The following ADGRL2 variants were observed in gnomAD, a reference collection of about 807,000 sequenced individuals.
The protein encoded by ADGRL2 is calcium-independent alpha-latrotoxin receptor 2.
In ADGRL2, 44 loss-of-function variants were observed where a neutral mutation model predicts 157.4. The observed-to-expected ratio is 0.28, with a 90% confidence interval of 0.22 to 0.36. The LOEUF (loss-of-function observed/expected upper bound fraction) is 0.36. ADGRL2 is among the 10% of genes least tolerant of loss of function. The pLI is 1.00. For synonymous variants in ADGRL2, 585 were observed against 624.7 expected, an observed-to-expected ratio of 0.94 and a Z score of 0.95; for missense variants, 1,510 against 1,768.9, an observed-to-expected ratio of 0.85 and a Z score of 2.63.
chr1:81,508,438 T>C (rs1028379115), intron 2 of ADGRL2, among the ~76,000 whole-genome samples: 3 of 152,184 alleles, frequency 2.0e-5, no homozygotes, highest in Non-Finnish European at 4.4e-5. Flanking sequence ...TGCCAGTCAT[T>C]ATGGGTTCGC....
At chr1:81,743,791 C>T (rs1046311777) in intron 1 of ADGRL2, among the ~76,000 whole-genome samples, 15 of 152,008 alleles carry the variant, frequency 9.9e-5, no homozygotes, top group Admixed American at 9.8e-4. Flanking sequence ...TTAATTTGTT[C>T]TTCTATGTGC....
chr1:81,735,538 C>CG (rs2084865974), intron 1 of ADGRL2, among the ~76,000 whole-genome samples: 1 of 152,100 alleles, frequency 6.6e-6, no homozygotes, highest in Non-Finnish European at 1.5e-5. Context: ...GCCTGTAATC[C>CG]CAGCACTTTG....
At position 81,631,431 on chromosome 1, in the gene ADGRL2, G is replaced by A. The variant is rs573193096; in HGVS notation, c.-143+50451G>A. Among the ~76,000 whole-genome samples, 8 of 152,136 alleles carry A rather than the reference G, an allele frequency of 5.3e-5. No homozygotes were observed. The East Asian group carries it at 1.5e-3, about 29-fold the overall frequency. ...AGGATTTCACCATGTTGGCCAGGCT[G>A]GTCTGGAACTCCTGACCTCAAGTAA... On this transcript the variant is annotated intron_variant, in intron 3 of 24. Coordinates refer to the ADGRL2 transcript ENST00000370721.
chr1:81,718,239 C>A (rs941967952), intron 1 of ADGRL2, among the ~76,000 whole-genome samples: 1 of 152,146 alleles, frequency 6.6e-6, no homozygotes, highest in South Asian at 2.1e-4. Context: ...AGGATGGTCT[C>A]GATCTCTTGA....
chr1:81,926,674 T>G (rs2095114870), intron 3 of ADGRL2, among the ~76,000 whole-genome samples: 2 of 152,064 alleles, frequency 1.3e-5, no homozygotes, highest in African/African-American at 2.4e-5. Context: ...TTACAAAATT[T>G]TATGGTTTTT....
intron 2 of ADGRL2, among the ~76,000 whole-genome samples, chr1:81,466,258 A>G (rs1026710755): frequency 1.3e-5 from 2 of 152,180 alleles, no homozygotes; most frequent in African/African-American, 4.8e-5. Context: ...TCCTGCCTCA[A>G]TTTCCCAGCC....
At chr1:81,646,425 A>G (rs2082316648) in intron 3 of ADGRL2, among the ~76,000 whole-genome samples, 1 of 152,222 alleles carries the variant, frequency 6.6e-6, no homozygotes, top group Non-Finnish European at 1.5e-5. Context: ...AAATCATAAC[A>G]TTCTGGTTAG....
At chr1:81,697,870 C>T (rs1323364951), upstream of ADGRL2, among the ~76,000 whole-genome samples, 3 of 152,098 alleles carry the variant, frequency 2.0e-5, no homozygotes, top group Non-Finnish European at 4.4e-5. Context: ...CCACAGAATT[C>T]TAAATTATTA....
intron 2 of ADGRL2, among the ~76,000 whole-genome samples, chr1:81,531,094 AAAAAG>A (rs1465433460): frequency 6.6e-6 from 1 of 152,054 alleles, no homozygotes; most frequent in East Asian, 1.9e-4. Context: ...AAAAAAAAAA[AAAAAG>A]AAAGAAAGGT....
intron 1 of ADGRL2, among the ~76,000 whole-genome samples, chr1:81,819,604 G>A (rs1235423129): frequency 6.6e-6 from 1 of 152,008 alleles, no homozygotes; most frequent in Non-Finnish European, 1.5e-5. Context: ...CACATAAAGT[G>A]AAAATTTTTA....
chr1:81,829,640 A>G (rs1490979413), intron 1 of ADGRL2, among the ~76,000 whole-genome samples: 1 of 152,202 alleles, frequency 6.6e-6, no homozygotes, highest in Non-Finnish European at 1.5e-5. Flanking sequence ...TTTCTGAAAC[A>G]GTTGCTTCTT....
chr1:81,392,541 C>T (rs759077457), intron 1 of ADGRL2, among the ~76,000 whole-genome samples: 11 of 152,078 alleles, frequency 7.2e-5, no homozygotes, highest in Non-Finnish European at 1.6e-4. Flanking sequence ...TCTAATCCTA[C>T]ATCCTAAAAT....
At chr1:81,450,725 G>A (rs2077687415) in intron 2 of ADGRL2, among the ~76,000 whole-genome samples, 1 of 151,974 alleles carries the variant, frequency 6.6e-6, no homozygotes, top group South Asian at 2.1e-4. Flanking sequence ...TTTGCAAGCA[G>A]ATGGGCTACA....
chr1:81,431,571 T>C (rs999177367), intron 1 of ADGRL2, among the ~76,000 whole-genome samples: 7 of 152,188 alleles, frequency 4.6e-5, no homozygotes, highest in Non-Finnish European at 4.4e-5. Flanking sequence ...ATGGAACTGA[T>C]TTAAAATGCA....
chr1:81,401,350 A>G lies in ADGRL2; in HGVS notation c.-301-43686A>G, dbSNP rs950949371. 6.0e-4 allele frequency among the ~76,000 whole-genome samples: 92 copies of G among 152,092 alleles called. 5 individuals are homozygous for G. Among genetic ancestry groups the G allele is most frequent in the Non-Finnish European group, 2.1e-4 (14 of 68,014 alleles). On this transcript the variant is annotated intron_variant, in intron 1 of 24. Transcript: ENST00000370721. ...CAGTGTTGAAGACTACAGTTGTCCA[A>G]GGTGCTGCTTGGGGCAACCGGGATC...
intron 2 of ADGRL2, among the ~76,000 whole-genome samples, chr1:81,558,247 G>C (rs942675497): frequency 6.6e-6 from 1 of 152,140 alleles, no homozygotes; most frequent in African/African-American, 2.4e-5. Flanking sequence ...GGGAAAAACA[G>C]TATGGACATA....
At chr1:81,865,296 A>C (rs976271373) in intron 2 of ADGRL2, among the ~76,000 whole-genome samples, 1 of 152,202 alleles carries the variant, frequency 6.6e-6, no homozygotes, top group African/African-American at 2.4e-5. Flanking sequence ...AATGACAGCC[A>C]TGTCTGAAAT....
At chr1:81,810,138 A>ACT (rs1466868356) in intron 1 of ADGRL2, among the ~76,000 whole-genome samples, 3 of 151,980 alleles carry the variant, frequency 2.0e-5, no homozygotes. Flanking sequence ...ACAAAAGAGA[A>ACT]TTCTGTTTTC....
intron 2 of ADGRL2, among the ~76,000 whole-genome samples, chr1:81,577,206 G>A (rs192991755): frequency 1.8e-4 from 28 of 152,266 alleles, no homozygotes; most frequent in South Asian, 1.2e-3. Flanking sequence ...AGTTGGAAAC[G>A]TCATGATGTT....
Sources: allele counts gnomAD v4.1 joint callset (sites outside exome capture counted in the v4.1 genomes callset), GRCh38; gene constraint gnomAD v4.1.1; transcripts MANE v1.5; gene names NCBI Gene and HGNC (gene_info 2026-07-23, HGNC 2026-07-21).